KALRN: variants seen among roughly 807,000 people sequenced by gnomAD.
KALRN encodes kalirin RhoGEF kinase, also known as kalirin.
Under a neutral mutation model 353.7 loss-of-function variants are expected in KALRN, and 70 were observed. The ratio of observed to expected loss-of-function variants is 0.20; its 90% CI spans 0.16 to 0.24. The LOEUF (loss-of-function observed/expected upper bound fraction) is 0.24, where lower values mean the gene tolerates loss of function less well. Among genes scored for constraint, KALRN ranks in the 10% least tolerant of loss-of-function variants. The pLI is 1.00. For synonymous variants in KALRN, 1,391 were observed against 1,434.8 expected (o/e 0.97, Z 0.69); for missense variants, 2,791 against 3,756.7 (o/e 0.74, Z 6.72).
chr3:124,647,672 C>T (rs978372894), intron 37 of KALRN, among the ~76,000 whole-genome samples: 2 of 152,174 alleles, frequency 1.3e-5, no homozygotes, highest in Non-Finnish European at 1.5e-5. Flanking sequence ...CTTATTCATC[C>T]TCATTTCTCC....
intron 1 of KALRN, among the ~76,000 whole-genome samples, chr3:124,101,071 T>G (rs1403122203): frequency 1.3e-5 from 2 of 152,220 alleles, no homozygotes; most frequent in East Asian, 3.8e-4. Flanking sequence ...AGGAACAAAC[T>G]GTGTAAGAAC....
chr3:124,141,087 AG>A (rs1299768639), intron 1 of KALRN, among the ~76,000 whole-genome samples: 1 of 152,156 alleles, frequency 6.6e-6, no homozygotes, highest in African/African-American at 2.4e-5. Context: ...CCCAGTCACC[AG>A]GACTTGTCTG....
chr3:124,227,495 C>G (rs1016440763), intron 1 of KALRN, among the ~76,000 whole-genome samples: 1 of 152,046 alleles, frequency 6.6e-6, no homozygotes, highest in Non-Finnish European at 1.5e-5. Context: ...AGAGGAAAGG[C>G]AAGAAGGATT....
chr3:124,555,527 A>C (rs1020077582), intron 33 of KALRN, among the ~76,000 whole-genome samples: 1 of 151,896 alleles, frequency 6.6e-6, no homozygotes, highest in Non-Finnish European at 1.5e-5. Flanking sequence ...CCCCCCACTA[A>C]CACCTTATGT....
chr3:124,684,077 A>G (rs1559844791), intron 51 of KALRN, among the ~76,000 whole-genome samples: 1 of 152,196 alleles, frequency 6.6e-6, no homozygotes, highest in Non-Finnish European at 1.5e-5. Flanking sequence ...GAACGTTTTC[A>G]TCATCGCAAA....
chr3:124,164,874 CT>C (rs890015502), intron 1 of KALRN, among the ~76,000 whole-genome samples: 1 of 152,186 alleles, frequency 6.6e-6, no homozygotes, highest in African/African-American at 2.4e-5. Context: ...GGAGAGAGCT[CT>C]ACCTTTGGAG....
At chr3:124,451,238 C>T (rs933958379) in intron 21 of KALRN, among the ~76,000 whole-genome samples, 1 of 150,038 alleles carries the variant, frequency 6.7e-6, no homozygotes, top group African/African-American at 2.5e-5. Flanking sequence ...AGATCATAAC[C>T]AAAGATAGAA....
intron 6 of KALRN, among the ~76,000 whole-genome samples, chr3:124,309,672 A>T (rs73188196): frequency 0.26 from 39,565 of 152,154 alleles, 6,818 homozygotes; most frequent in Non-Finnish European, 0.38. Context: ...AGTAGGAAAA[A>T]AAAAACAAAA....
chr3:124,607,302 G>A (rs1052081347), intron 34 of KALRN, among the ~76,000 whole-genome samples: 4 of 102,520 alleles, frequency 3.9e-5, no homozygotes, highest in Admixed American at 1.0e-4. Context: ...ACCATTCAAC[G>A]ACATAGTATA....
At chr3:124,311,064 CTTTTTT>C (rs71145446) in intron 6 of KALRN, among the ~76,000 whole-genome samples, 21 of 67,526 alleles carry the variant, frequency 3.1e-4, no homozygotes, top group Admixed American at 4.2e-4. Context: ...GATACTACTT[CTTTTTT>C]TTTTTTTTTT....
chr3:124,634,755 C>T (rs1007669035), intron 36 of KALRN, among the ~76,000 whole-genome samples: 1 of 151,998 alleles, frequency 6.6e-6, no homozygotes, highest in Non-Finnish European at 1.5e-5. Flanking sequence ...GACGTGGAAG[C>T]GGCAGGTTTG....
At chr3:124,588,353 T>C (rs2075420089) in intron 34 of KALRN, among the ~76,000 whole-genome samples, 1 of 152,218 alleles carries the variant, frequency 6.6e-6, no homozygotes, top group Non-Finnish European at 1.5e-5. Flanking sequence ...TGCTAAGTTA[T>C]GTATTGCACT....
At chr3:124,219,856 T>G (rs571293077) in intron 1 of KALRN, among the ~76,000 whole-genome samples, 5 of 151,618 alleles carry the variant, frequency 3.3e-5, no homozygotes, top group African/African-American at 1.2e-4. Context: ...GTTGCTGACA[T>G]AAAGCTGCCC....
intron 1 of KALRN, among the ~76,000 whole-genome samples, chr3:124,138,995 C>A (rs190772477): frequency 6.6e-6 from 1 of 152,244 alleles, no homozygotes; most frequent in Non-Finnish European, 1.5e-5. Context: ...AAGCTCACTG[C>A]AAAGATAAAT....
At chr3:124,659,531 A>G in intron 43 of KALRN, 74 bp downstream of exon 43, 1 of 1,005,360 alleles carries the variant, frequency 9.9e-7, no homozygotes, top group Non-Finnish European at 1.6e-6. Context: ...AGCTAGGGGT[A>G]GAGCTAGCGG....
intron 57 of KALRN, among the ~76,000 whole-genome samples, chr3:124,709,939 G>A (rs1390562812): frequency 6.6e-6 from 1 of 152,180 alleles, no homozygotes; most frequent in Non-Finnish European, 1.5e-5. Flanking sequence ...AGGAAAAGGG[G>A]TCATGAAGGA....
intron 10 of KALRN, among the ~76,000 whole-genome samples, chr3:124,366,167 T>A (rs9864405): frequency 0.14 from 21,472 of 152,218 alleles, 1,571 homozygotes; most frequent in Non-Finnish European, 0.16. Flanking sequence ...AGACATTTTA[T>A]ATGTTTTGTG....
intron 11 of KALRN, among the ~76,000 whole-genome samples, chr3:124,392,101 G>A (rs1469849261): frequency 6.6e-6 from 1 of 151,740 alleles, no homozygotes; most frequent in Non-Finnish European, 1.5e-5. Flanking sequence ...CCCAGGTGGA[G>A]TGCAGTGGCA....
At chr3:124,193,935 A>G (rs1289613535) in intron 1 of KALRN, among the ~76,000 whole-genome samples, 1 of 152,180 alleles carries the variant, frequency 6.6e-6, no homozygotes, top group Non-Finnish European at 1.5e-5. Context: ...GGAACTAAAA[A>G]GGTAGAATTA....
Sources: gnomAD v4.1 joint callset for allele counts (sites outside exome capture counted in the v4.1 genomes callset) on GRCh38, gnomAD v4.1.1 for gene constraint, MANE v1.5 for transcripts, NCBI Gene and HGNC (gene_info 2026-07-23, HGNC 2026-07-21) for gene names.